FBXO41: variants seen among roughly 807,000 people sequenced by gnomAD.
FBXO41 encodes F-box protein 41, also known as F-box only protein 41.
A neutral mutation model predicts 81.6 loss-of-function variants in FBXO41; 33 were observed. The observed-to-expected ratio is 0.40, with a 90% CI of 0.31 to 0.54. FBXO41 has a LOEUF of 0.54. Ranked by LOEUF, FBXO41 falls within the 20% of genes least tolerant of loss-of-function variation. FBXO41 has a pLI of 0.39. For synonymous variants in FBXO41, 576 were observed against 552.7 expected, an observed-to-expected ratio of 1.04 and a Z score of -0.59; for missense variants, 1,107 against 1,236.0, an observed-to-expected ratio of 0.90 and a Z score of 1.56.
intron 1 of FBXO41, among the ~76,000 whole-genome samples, chr2:73,276,560 CAGAGAGAGAGAGAGAGAGAGAG>C (rs533998261): frequency 3.6e-4 from 38 of 106,470 alleles, no homozygotes; most frequent in African/African-American, 1.4e-3. Context: ...CAAATCTATT[CAGAGAGAGAGAGAGAGAGAGAG>C]AGAGAGAGAG....
rs116031236 is a variant in FBXO41 at position 73,279,657 on chromosome 2, G to A, written c.-139+4503C>T. Among the ~76,000 whole-genome samples the A allele has an allele frequency of 1.8e-3, 278 of 152,302 alleles. 1 individual carries two copies. Among genetic ancestry groups the A allele is most frequent in the African/African-American group, 6.5e-3 (270 of 41,566 alleles). On this transcript the variant is annotated intron_variant, in intron 1 of 12. Coordinates refer to ENST00000520530, the MANE Select transcript of FBXO41 (RefSeq NM_001371389.2). ...TGGGGACTTTCAAGACTGCTGCTTT[G>A]ATGGGCCTGGCTGATGTGGGCTGAG...
At chr2:73,262,969 T>C (rs916666843) in intron 9 of FBXO41, among the ~76,000 whole-genome samples, 2 of 152,202 alleles carry the variant, frequency 1.3e-5, no homozygotes, top group Non-Finnish European at 2.9e-5. Flanking sequence ...GGTCTCGAAC[T>C]CCAGACCTCA....
chr2:73,262,965 G>A (rs1426690744), intron 9 of FBXO41, among the ~76,000 whole-genome samples: 3 of 152,144 alleles, frequency 2.0e-5, no homozygotes, highest in South Asian at 4.1e-4. Context: ...GGATGGTCTC[G>A]AACTCCAGAC....
intron 1 of FBXO41, among the ~76,000 whole-genome samples, chr2:73,282,945 C>A (rs1288873507): frequency 6.6e-6 from 1 of 152,182 alleles, no homozygotes; most frequent in Non-Finnish European, 1.5e-5. Context: ...GCCTTCAGGG[C>A]CCAACAGTTC....
chr2:73,278,502 G>A (rs920433035), intron 1 of FBXO41, among the ~76,000 whole-genome samples: 8 of 152,208 alleles, frequency 5.3e-5, no homozygotes, highest in African/African-American at 9.7e-5. Context: ...TATACCAGGT[G>A]CTGTGCTAGG....
chr2:73,273,241 C>G (rs968919642), intron 1 of FBXO41: 3 of 152,184 alleles, frequency 2.0e-5, no homozygotes, highest in African/African-American at 7.2e-5. Context: ...CTTGGAATGT[C>G]TCCTCCCAGA....
intron 7 of FBXO41, 31 bp downstream of exon 7, chr2:73,263,907 G>GCACCCAC (rs1688121652): frequency 1.2e-6 from 2 of 1,613,448 alleles, no homozygotes; most frequent in African/African-American, 1.3e-5. Flanking sequence ...TGGCCCAACA[G>GCACCCAC]CACCCACCAC....
At chr2:73,265,187 G>T (rs1688198367) in intron 5 of FBXO41, 95 bp downstream of exon 5, 2 of 1,225,410 alleles carry the variant, frequency 1.6e-6, no homozygotes, top group Non-Finnish European at 2.2e-6. Context: ...TGTAGGAGGG[G>T]TGGGCAAGTC....
In FBXO41 at chr2:73,266,646, C is replaced by T. The variant is rs771915062; in HGVS notation, c.942G>A (p.Thr314=). The T allele has an allele frequency of 2.2e-5, 36 of 1,603,540 alleles. No homozygotes were observed. The highest frequency in any genetic ancestry group is 1.7e-4 in the Middle Eastern group (1 of 6,030). Residue 314 remains threonine, a synonymous_variant, in exon 3 of 13, where the codon ACG becomes ACA. Transcript: ENST00000520530. This position sits in a 1 kb window ranked among gnomAD's most constrained non-coding sequence, Gnocchi z 5.3. ...VVQIDQFLKE[T]AAREASAKLR... is the part of the protein sequence containing the mutation. ...GCTTGGCGCTGGCCTCCCGCGCCGC[C>T]GTCTCCTTCAGGAACTGGTCGATCT... is the stretch of plus-strand genomic sequence containing the variant.
Position 73,265,219 on chromosome 2 carries a change from C to A in FBXO41, c.1564+63G>T, listed in dbSNP as rs548927273. ...AGTCTGGGGAAAGGGGAGGGGGGTG[C>A]AGGAGCCCAGGAGATTCACTGCCTC... On this transcript the variant is annotated intron_variant, in intron 5 of 12. Coordinates refer to ENST00000520530, the MANE Select transcript of FBXO41 (RefSeq NM_001371389.2). 27 of 1,443,036 alleles carry A rather than the reference C, an allele frequency of 1.9e-5. No homozygotes were observed. In the Admixed American group the frequency reaches 4.3e-4, roughly 23 times the overall value. The allele number at this position is 1,443,036 out of a possible 1,614,324, so 89.4% of individuals were successfully genotyped here. A position where few individuals can be genotyped will look rare whatever the true frequency, so the allele number is the denominator to read the frequency against.
chr2:73,263,917 C>T (rs754769642), intron 7 of FBXO41, 21 bp downstream of exon 7: 60 of 1,612,998 alleles, frequency 3.7e-5, no homozygotes, highest in Non-Finnish European at 3.9e-5. Flanking sequence ...GCACCCACCA[C>T]CCACCCATCG....
intron 1 of FBXO41, among the ~76,000 whole-genome samples, chr2:73,282,520 T>C (rs999716112): frequency 6.6e-6 from 1 of 152,084 alleles, no homozygotes; most frequent in South Asian, 2.1e-4. Context: ...CTGGGCAACA[T>C]AGGGAGACCC....
chr2:73,282,372 G>A (rs1263996232), intron 1 of FBXO41, among the ~76,000 whole-genome samples: 3 of 152,176 alleles, frequency 2.0e-5, no homozygotes, highest in Admixed American at 1.3e-4. Context: ...TCAAAGGCAG[G>A]ATGGTAATTA....
Position 73,258,686 on chromosome 2 carries a change from C to T in FBXO41, c.*296G>A. On this transcript the variant is annotated 3_prime_UTR_variant, in exon 13 of 13. Transcript: ENST00000520530. ...ATTGCAGATCCTCCAGGTGATGACA[C>T]CAGGCGCTGGTGGTGACAGCTCCTC... 2.5e-6 allele frequency: 1 copy of T among 404,354 alleles called. No homozygotes were observed. Among genetic ancestry groups the T allele is most frequent in the Admixed American group, 4.0e-5 (1 of 25,110 alleles). The allele number at this position is 404,354 out of a possible 1,614,324, so 25.0% of individuals were successfully genotyped here. A position where few individuals can be genotyped will look rare whatever the true frequency, so the allele number is the denominator to read the frequency against.
chr2:73,279,793 G>T (rs1371949468), intron 1 of FBXO41, among the ~76,000 whole-genome samples: 1 of 152,130 alleles, frequency 6.6e-6, no homozygotes, highest in East Asian at 1.9e-4. Context: ...AGATGGGAGT[G>T]ACCTGAACAT....
rs141563130 is a variant in FBXO41 at position 73,259,456 on chromosome 2, C to T, written c.2450-160G>A. Among the ~76,000 whole-genome samples, 44 of 152,228 alleles carry T rather than the reference C, an allele frequency of 2.9e-4. No homozygotes were observed. The highest frequency in any genetic ancestry group is 3.1e-4 in the Non-Finnish European group (21 of 68,010). The stretch of plus-strand genomic sequence containing the variant: ...CCACCTGGGGGCTGGCGACCGGATG[C>T]GGGGAGAGGTAGATGGGGCTGAGGC... On this transcript the variant is annotated intron_variant, in intron 11 of 12. Transcript: ENST00000520530. This position sits in a 1 kb window ranked among gnomAD's most constrained non-coding sequence, Gnocchi z 4.2.
chr2:73,276,607 AGAGAGGGAGAGAGG>A (rs1278677813), intron 1 of FBXO41, among the ~76,000 whole-genome samples: 2,983 of 90,642 alleles, frequency 0.033, 263 homozygotes, highest in African/African-American at 0.18. Flanking sequence ...AGAGAGAGGG[AGAGAGGGAGAGAGG>A]GAGAGAATGC....
In FBXO41 at chr2:73,267,307, C is replaced by T. The variant is rs1026862041; in HGVS notation, c.906-625G>A. Among the ~76,000 whole-genome samples, 6 of 152,256 alleles carry T rather than the reference C, an allele frequency of 3.9e-5. No homozygotes were observed. The South Asian group carries it at 6.2e-4, about 16-fold the overall frequency. ...AAGAACCATTGAGGCACAGTACCAC[C>T]GACACAGTCAAACATACTTGCAGGA... On this transcript the variant is annotated intron_variant, in intron 2 of 12. Coordinates refer to ENST00000520530, the MANE Select transcript of FBXO41 (RefSeq NM_001371389.2).
At chr2:73,275,226 T>C (rs1312590766) in intron 1 of FBXO41, among the ~76,000 whole-genome samples, 2 of 151,252 alleles carry the variant, frequency 1.3e-5, no homozygotes, top group Non-Finnish European at 2.9e-5. Context: ...GTCGCCCAGG[T>C]TGGAGTACAG....
Sources: allele counts gnomAD v4.1 joint callset (sites outside exome capture counted in the v4.1 genomes callset), GRCh38; gene constraint gnomAD v4.1.1; non-coding constraint Gnocchi (gnomAD v3.1); transcripts MANE v1.5; gene names NCBI Gene and HGNC (gene_info 2026-07-23, HGNC 2026-07-21).